The following ARHGEF10L variants were observed in gnomAD, a reference collection of about 807,000 sequenced individuals.
The protein encoded by ARHGEF10L is rho guanine nucleotide exchange factor 10-like protein.
Under a neutral mutation model 141.2 loss-of-function variants are expected in ARHGEF10L, and 69 were observed. That is an observed-to-expected ratio of 0.49 (90% CI 0.40 to 0.60). The LOEUF is 0.60. Ranked by LOEUF, ARHGEF10L falls within the 20% of genes least tolerant of loss-of-function variation. The pLI is 0.00. For synonymous variants in ARHGEF10L, 711 were observed against 718.5 expected (o/e 0.99, Z 0.17); for missense variants, 1,482 against 1,734.3 (o/e 0.85, Z 2.58).
Position 17,607,489 on chromosome 1 carries a change from C to T in ARHGEF10L, c.434-313C>T, listed in dbSNP as rs761736191. Among the ~76,000 whole-genome samples, 1 of 152,126 alleles carries T rather than the reference C, an allele frequency of 6.6e-6. No homozygotes were observed. Among genetic ancestry groups the T allele is most frequent in the Non-Finnish European group, 1.5e-5 (1 of 68,006 alleles). ...GACCCTGTCTCTAAAACAAAATTGC[C>T]AAGGAGGCTCACAATGAGCGCTGAG... On this transcript the variant is annotated intron_variant, in intron 6 of 28. Transcript: ENST00000361221. This position sits in a 1 kb window ranked among gnomAD's most constrained non-coding sequence, Gnocchi z 4.5.
chr1:17,654,343 G>T lies in ARHGEF10L; in HGVS notation c.2395-293G>T, dbSNP rs184847012. 3.0e-3 allele frequency among the ~76,000 whole-genome samples: 462 copies of T among 152,274 alleles called. 3 individuals are homozygous for T. Among genetic ancestry groups the T allele is most frequent in the African/African-American group, 0.011 (447 of 41,560 alleles). On this transcript the variant is annotated intron_variant, in intron 22 of 28. Coordinates refer to ENST00000361221, the MANE Select transcript of ARHGEF10L (RefSeq NM_018125.4). This position sits in a 1 kb window ranked among gnomAD's most constrained non-coding sequence, Gnocchi z 4.3. ...CCCTGTTTGTAAAATAAGGAGGGGT[G>T]GGTGGCTTTCAAGAAATCTTATCTG...
intron 26 of ARHGEF10L, among the ~76,000 whole-genome samples, chr1:17,684,705 C>T (rs765128706): frequency 3.9e-5 from 6 of 152,198 alleles, no homozygotes; most frequent in African/African-American, 1.2e-4. Flanking sequence ...GGTGAACTTT[C>T]GGTCTGAGGA....
At chr1:17,597,114 G>C in intron 4 of ARHGEF10L, among the ~76,000 whole-genome samples, 1 of 152,108 alleles carries the variant, frequency 6.6e-6, no homozygotes, top group East Asian at 1.9e-4. Flanking sequence ...CCCTGCTTCT[G>C]CATCTGCTTC....
intron 4 of ARHGEF10L, among the ~76,000 whole-genome samples, chr1:17,591,334 C>T (rs750768241): frequency 6.6e-6 from 1 of 152,058 alleles, no homozygotes; most frequent in Non-Finnish European, 1.5e-5. Flanking sequence ...CCTTGACCTT[C>T]CAGGCTTGAG....
chr1:17,557,364 A>C lies in ARHGEF10L; in HGVS notation c.-44+17414A>C, dbSNP rs376534414. ...TCTCAAAAAAAAAAAAACAAAAAAAACCAAAAAAAACAAAAAGAAAATGCG... is the reference window on the plus strand; with the variant it reads ...TCTCAAAAAAAAAAAAACAAAAAAACCCAAAAAAAACAAAAAGAAAATGCG... On this transcript the variant is annotated intron_variant, in intron 1 of 28. Coordinates refer to ENST00000361221, the MANE Select transcript of ARHGEF10L (RefSeq NM_018125.4). 5.8e-3 allele frequency among the ~76,000 whole-genome samples: 873 copies of C among 151,794 alleles called. 8 individuals carry two copies. Among genetic ancestry groups the C allele is most frequent in the African/African-American group, 0.019 (780 of 41,450 alleles).
intron 27 of ARHGEF10L, among the ~76,000 whole-genome samples, chr1:17,689,054 C>A (rs1013594468): frequency 6.6e-6 from 1 of 152,098 alleles, no homozygotes; most frequent in Non-Finnish European, 1.5e-5. Context: ...GGGATTATCC[C>A]CACATTACAG....
intron 27 of ARHGEF10L, among the ~76,000 whole-genome samples, chr1:17,692,188 A>G (rs2065154498): frequency 6.6e-6 from 1 of 152,106 alleles, no homozygotes; most frequent in Non-Finnish European, 1.5e-5. Context: ...AGCTCCACAG[A>G]CACCCAGGTA....
chr1:17,687,427 C>A, intron 26 of ARHGEF10L, 146 bp from the exon 27 acceptor site: 1 of 874,352 alleles, frequency 1.1e-6, no homozygotes, highest in Non-Finnish European at 1.7e-6. Flanking sequence ...TAAACTTTGG[C>A]CAACCTCATA....
Position 17,543,376 on chromosome 1 carries a change from A to T in ARHGEF10L, c.-44+3426A>T, listed in dbSNP as rs1182322366. ...GGCAGGCAGATCCCCTGAGGTCGGG[A>T]GTTCGAGACTAGCCTGGCCAACATG... On this transcript the variant is annotated intron_variant, in intron 1 of 28. Transcript: ENST00000361221. Among the ~76,000 whole-genome samples the T allele has an allele frequency of 2.6e-5, 4 of 152,098 alleles. No individual in the cohort carries two copies. In the East Asian group the frequency reaches 7.8e-4, roughly 30 times the overall value.
intron 1 of ARHGEF10L, among the ~76,000 whole-genome samples, chr1:17,548,768 C>T (rs1025902820): frequency 6.7e-6 from 1 of 150,308 alleles, no homozygotes; most frequent in African/African-American, 2.5e-5. Context: ...CCAGCCTCAG[C>T]CTCCTGAGTA....
intron 25 of ARHGEF10L, among the ~76,000 whole-genome samples, chr1:17,657,307 T>C (rs2102053574): frequency 6.6e-6 from 1 of 152,370 alleles, no homozygotes; most frequent in East Asian, 1.9e-4. Context: ...TGTGTTATCT[T>C]AATTCTCATG....
chr1:17,587,131 A>C (rs1275996171), intron 2 of ARHGEF10L, among the ~76,000 whole-genome samples: 1 of 152,234 alleles, frequency 6.6e-6, no homozygotes, highest in African/African-American at 2.4e-5. Flanking sequence ...ATAAACACAC[A>C]TGTAAAAAGA....
intron 3 of ARHGEF10L, 98 bp downstream of exon 3, chr1:17,587,743 G>A (rs754110769): frequency 2.6e-5 from 34 of 1,326,446 alleles, no homozygotes; most frequent in African/African-American, 5.9e-5. Context: ...TGGCCCCTCC[G>A]CTGTCCCCAG....
chr1:17,572,266 C>T (rs923343750), intron 1 of ARHGEF10L, among the ~76,000 whole-genome samples: 17 of 152,196 alleles, frequency 1.1e-4, no homozygotes, highest in Non-Finnish European at 8.8e-5. Flanking sequence ...GAGCCCGGGA[C>T]GCCCTCCTCA....
chr1:17,632,919 G>T (rs1256611045), intron 16 of ARHGEF10L, among the ~76,000 whole-genome samples: 1 of 152,220 alleles, frequency 6.6e-6, no homozygotes, highest in Non-Finnish European at 1.5e-5. Context: ...AGCCTGGTTT[G>T]CTGGTTCTGG....
At chr1:17,678,758 G>A (rs992260650) in intron 26 of ARHGEF10L, among the ~76,000 whole-genome samples, 1 of 152,166 alleles carries the variant, frequency 6.6e-6, no homozygotes, top group Non-Finnish European at 1.5e-5. Flanking sequence ...CAAAATTTTG[G>A]CACAGCCAGG....
chr1:17,689,744 T>G (rs967959303), intron 27 of ARHGEF10L: 5 of 454,476 alleles, frequency 1.1e-5, no homozygotes, highest in Non-Finnish European at 1.8e-5. Flanking sequence ...ATAGCTAAAT[T>G]ATTTCAAGTT....
At chr1:17,554,020 TCAAAGACCAGAGG>T (rs2077209601) in intron 1 of ARHGEF10L, among the ~76,000 whole-genome samples, 1 of 152,126 alleles carries the variant, frequency 6.6e-6, no homozygotes, top group Non-Finnish European at 1.5e-5. Context: ...AAGCTGGACT[TCAAAGACCAGAGG>T]AAGTGCAGAG....
intron 1 of ARHGEF10L, among the ~76,000 whole-genome samples, chr1:17,579,381 G>A (rs1474430647): frequency 1.3e-5 from 2 of 152,222 alleles, no homozygotes; most frequent in Admixed American, 6.5e-5. Flanking sequence ...GTGCTAGAGT[G>A]TAGTAGCTGC....
Sources: gnomAD v4.1 joint callset for allele counts (sites outside exome capture counted in the v4.1 genomes callset) on GRCh38, gnomAD v4.1.1 for gene constraint, Gnocchi (gnomAD v3.1) non-coding constraint, MANE v1.5 for transcripts, NCBI Gene and HGNC (gene_info 2026-07-23, HGNC 2026-07-21) for gene names.